CCDC28A: variants seen among roughly 807,000 people sequenced by gnomAD.
The protein encoded by CCDC28A is coiled-coil domain-containing protein 28A.
Under a neutral mutation model 22.1 loss-of-function variants are expected in CCDC28A, and 24 were observed. That is an observed-to-expected ratio of 1.09 (90% CI 0.79 to 1.53). The LOEUF is 1.53. Among genes scored for constraint, CCDC28A ranks in the 40% most tolerant of loss-of-function variants. CCDC28A has a pLI of 0.00. For synonymous variants in CCDC28A, 83 were observed against 74.7 expected, an observed-to-expected ratio of 1.11 and a Z score of -0.57; for missense variants, 170 against 210.7, an observed-to-expected ratio of 0.81 and a Z score of 1.20.
intron 5 of CCDC28A, among the ~76,000 whole-genome samples, 180 bp downstream of exon 5, chr6:138,788,568 CTTTTTTTTTTTTTT>C (rs3070099): frequency 1.1e-5 from 1 of 92,978 alleles, no homozygotes. Flanking sequence ...TTTTTCTTTT[CTTTTTTTTTTTTTT>C]TTTTTTTTTC....
At chr6:138,782,671 C>T (rs958557227) in intron 3 of CCDC28A, among the ~76,000 whole-genome samples, 1 of 152,116 alleles carries the variant, frequency 6.6e-6, no homozygotes, top group Non-Finnish European at 1.5e-5. Context: ...TTCCACTTGA[C>T]CTTCCAGGTT....
chr6:138,783,877 T>C (rs1775056351), intron 3 of CCDC28A, among the ~76,000 whole-genome samples: 1 of 66,300 alleles, frequency 1.5e-5, no homozygotes, highest in South Asian at 3.7e-4. Flanking sequence ...GCCAGAACTC[T>C]TTTTTTTTTT....
intron 2 of CCDC28A, among the ~76,000 whole-genome samples, chr6:138,776,976 T>G (rs1193493689): frequency 6.6e-6 from 1 of 152,228 alleles, no homozygotes; most frequent in African/African-American, 2.4e-5. Flanking sequence ...GAACATCATT[T>G]GCATTCAGGA....
chr6:138,783,268 CTTTTT>C (rs36017020), intron 3 of CCDC28A, among the ~76,000 whole-genome samples: 2 of 113,612 alleles, frequency 1.8e-5, no homozygotes, highest in African/African-American at 6.6e-5. Flanking sequence ...CGTTATTGAA[CTTTTT>C]TTTTTTTTTT....
At chr6:138,781,918 G>T (rs916622746) in intron 3 of CCDC28A, among the ~76,000 whole-genome samples, 1 of 152,102 alleles carries the variant, frequency 6.6e-6, no homozygotes, top group African/African-American at 2.4e-5. Context: ...TTCAATAGTT[G>T]CTGGGTTTCC....
chr6:138,784,129 C>T (rs1208329448), intron 3 of CCDC28A, among the ~76,000 whole-genome samples: 2 of 151,912 alleles, frequency 1.3e-5, no homozygotes, highest in Admixed American at 6.6e-5. Context: ...TCAAGGGATC[C>T]GTCAGCCTTG....
In CCDC28A at chr6:138,793,087, T is replaced by C. The variant is rs41289801; in HGVS notation, c.*284T>C. 1.8e-3 allele frequency: 666 copies of C among 369,088 alleles called. 1 individual carries two copies. Among genetic ancestry groups the C allele is most frequent in the Admixed American group, 2.5e-3 (58 of 23,218 alleles). The allele number at this position is 369,088 out of a possible 1,614,324, so 22.9% of individuals were successfully genotyped here. On this transcript the variant is annotated 3_prime_UTR_variant, in exon 6 of 6. Transcript: ENST00000617445. ...TTATGGGATTATACTTGAAATGCAT[T>C]GTGCTGATGTTCTTGACAGGGCGGA...
chr6:138,789,837 C>T (rs1056959066), intron 5 of CCDC28A, among the ~76,000 whole-genome samples: 2 of 152,030 alleles, frequency 1.3e-5, no homozygotes, highest in African/African-American at 2.4e-5. Flanking sequence ...CCTGTAATGG[C>T]GATTAATAGC....
intron 4 of CCDC28A, among the ~76,000 whole-genome samples, chr6:138,785,946 G>A (rs894603477): frequency 1.3e-5 from 2 of 152,240 alleles, no homozygotes; most frequent in East Asian, 3.9e-4. Flanking sequence ...AAGGCAGAAC[G>A]ACATTTGCTA....
At position 138,787,913 on chromosome 6, in the gene CCDC28A, G is replaced by A. The variant is rs193179543; in HGVS notation, c.478-453G>A. Among the ~76,000 whole-genome samples, 229 of 140,260 alleles carry A rather than the reference G, an allele frequency of 1.6e-3. 2 individuals are homozygous for A. The highest frequency in any genetic ancestry group is 5.6e-3 in the African/African-American group (214 of 38,462). The allele number at this position is 140,260 out of a possible 152,430, so 92.0% of individuals were successfully genotyped here. A position where few individuals can be genotyped will look rare whatever the true frequency, so the allele number is the denominator to read the frequency against. On this transcript the variant is annotated intron_variant, in intron 4 of 5. Coordinates refer to ENST00000617445, the MANE Select transcript of CCDC28A (RefSeq NM_015439.3). ...GAATTTTTTAGCCTGAAATTTTTTTGAAAGTTTTTTTCTTTAGTACTTTGC... is the reference window on the plus strand; with the variant it reads ...GAATTTTTTAGCCTGAAATTTTTTTAAAAGTTTTTTTCTTTAGTACTTTGC...
At position 138,792,947 on chromosome 6, in the gene CCDC28A, C is replaced by CT; in HGVS notation, c.*148dup. ...GTTCAATGATCGTTTTCACTTACTGCTTTTAGTAAATGTGACTCGCTGTAA... is the reference window on the plus strand; with the variant it reads ...GTTCAATGATCGTTTTCACTTACTGCTTTTTAGTAAATGTGACTCGCTGTAA... On this transcript the variant is annotated 3_prime_UTR_variant, in exon 6 of 6. Coordinates refer to ENST00000617445, the MANE Select transcript of CCDC28A (RefSeq NM_015439.3). The CT allele has an allele frequency of 1.6e-6, 1 of 631,084 alleles. No homozygotes were observed. Among genetic ancestry groups the CT allele is most frequent in the South Asian group, 1.8e-5 (1 of 54,918 alleles). The allele number at this position is 631,084 out of a possible 1,614,324, so 39.1% of individuals were successfully genotyped here.
intron 5 of CCDC28A, among the ~76,000 whole-genome samples, chr6:138,791,384 C>G (rs1465355136): frequency 6.6e-6 from 1 of 152,042 alleles, no homozygotes; most frequent in African/African-American, 2.4e-5. Flanking sequence ...GCCCAGCCTG[C>G]GTTGTATTTC....
intron 1 of CCDC28A, among the ~76,000 whole-genome samples, chr6:138,775,259 TTAGAAAA>T (rs1172372612): frequency 6.6e-6 from 1 of 152,178 alleles, no homozygotes; most frequent in African/African-American, 2.4e-5. Flanking sequence ...TAGATGGATG[TTAGAAAA>T]TAGAGCGGAT....
intron 2 of CCDC28A, among the ~76,000 whole-genome samples, chr6:138,776,921 T>C (rs1049449017): frequency 3.3e-5 from 5 of 152,154 alleles, no homozygotes; most frequent in African/African-American, 1.2e-4. Flanking sequence ...AAATTCAAAA[T>C]GCAAAAATTC....
In CCDC28A at chr6:138,785,426, T is replaced by A. The variant is rs747247688; in HGVS notation, c.477+45T>A. ...TTTGTTCTTTAAAAAAAAATTTTTG[T>A]TGCGAAAAAATGTACCTTTTGAACT... is the stretch of plus-strand genomic sequence containing the variant. On this transcript the variant is annotated intron_variant, in intron 4 of 5. Coordinates refer to ENST00000617445, the MANE Select transcript of CCDC28A (RefSeq NM_015439.3). 11 of 1,489,096 alleles carry A rather than the reference T, an allele frequency of 7.4e-6. No individual in the cohort carries two copies. In the East Asian group the frequency reaches 2.5e-4, roughly 34 times the overall value. 92.2% of individuals were successfully genotyped at this position (1,489,096 alleles called of 1,614,324 possible).
At chr6:138,791,245 TA>T (rs1775164250) in intron 5 of CCDC28A, among the ~76,000 whole-genome samples, 1 of 145,578 alleles carries the variant, frequency 6.9e-6, no homozygotes, top group African/African-American at 2.4e-5. Context: ...TATGCCCAGC[TA>T]TTTTTTTTTT....
At chr6:138,791,497 AC>A (rs1775168607) in intron 5 of CCDC28A, among the ~76,000 whole-genome samples, 1 of 152,104 alleles carries the variant, frequency 6.6e-6, no homozygotes, top group Non-Finnish European at 1.5e-5. Flanking sequence ...TTTTTTTTAA[AC>A]CATGTCAACT....
intron 5 of CCDC28A, among the ~76,000 whole-genome samples, chr6:138,792,208 A>G (rs1388352462): frequency 6.6e-6 from 1 of 152,102 alleles, no homozygotes; most frequent in Non-Finnish European, 1.5e-5. Context: ...TCAGCTCCTT[A>G]CTATGAAAAT....
chr6:138,776,942 A>G (rs1174215832), intron 2 of CCDC28A, among the ~76,000 whole-genome samples: 2 of 152,224 alleles, frequency 1.3e-5, no homozygotes, highest in African/African-American at 2.4e-5. Context: ...TACCACCTAG[A>G]AATAATCATT....
Sources: gnomAD v4.1 joint callset for allele counts (sites outside exome capture counted in the v4.1 genomes callset) on GRCh38, gnomAD v4.1.1 for gene constraint, MANE v1.5 for transcripts, NCBI Gene and HGNC (gene_info 2026-07-23, HGNC 2026-07-21) for gene names.